MBD5: variants seen among roughly 807,000 people sequenced by gnomAD.
The protein encoded by MBD5 is methyl-CpG binding domain protein 5, also known as methyl-CpG-binding domain protein 5.
A neutral mutation model predicts 117.3 loss-of-function variants in MBD5; 13 were observed. The observed-to-expected ratio is 0.11, with a 90% CI of 0.07 to 0.18. The LOEUF is 0.18. MBD5 is among the 10% of genes least tolerant of loss of function. The pLI is 1.00. For missense variants in MBD5, 1,879 were observed against 2,093.8 expected (o/e 0.90, Z 2.00); for synonymous variants, 727 against 766.4 (o/e 0.95, Z 0.85).
chr2:148,509,140 A>G (rs1304504134), intron 12 of MBD5, among the ~76,000 whole-genome samples: 1 of 152,184 alleles, frequency 6.6e-6, no homozygotes, highest in Admixed American at 6.5e-5. Flanking sequence ...TGAAAACGTT[A>G]CCTCCAGCAG....
chr2:148,308,433 G>A (rs986025632), intron 3 of MBD5, among the ~76,000 whole-genome samples: 2 of 139,180 alleles, frequency 1.4e-5, no homozygotes, highest in Admixed American at 7.2e-5. Flanking sequence ...CCTCATAAAT[G>A]TCTTCTTTTG....
chr2:148,173,186 G>A lies in MBD5; in HGVS notation c.-924-5514G>A, dbSNP rs6727708. 6.6e-3 allele frequency among the ~76,000 whole-genome samples: 1,003 copies of A among 152,336 alleles called. 9 individuals carry two copies. Among genetic ancestry groups the A allele is most frequent in the African/African-American group, 0.023 (966 of 41,580 alleles). On this transcript the variant is annotated intron_variant, in intron 1 of 13. Coordinates refer to ENST00000642680, the MANE Select transcript of MBD5 (RefSeq NM_001378120.1). ...AAGACGAGCTGTAACCCTTCTGGGAGCCCAAACCAGGGGGCTCCTTGAGCC... is the reference window on the plus strand; with the variant it reads ...AAGACGAGCTGTAACCCTTCTGGGAACCCAAACCAGGGGGCTCCTTGAGCC...
intron 11 of MBD5, among the ~76,000 whole-genome samples, chr2:148,497,802 A>C (rs1029054031): frequency 2.4e-4 from 37 of 151,962 alleles, no homozygotes; most frequent in Non-Finnish European, 4.7e-4. Flanking sequence ...AAAAAAAAAA[A>C]ACTAAAAAAG....
chr2:148,331,283 T>G (rs914825816), intron 3 of MBD5, among the ~76,000 whole-genome samples: 4 of 152,214 alleles, frequency 2.6e-5, no homozygotes, highest in Non-Finnish European at 5.9e-5. Context: ...ATTTAAAAAA[T>G]TAAGTAGTCG....
chr2:148,475,726 T>C (rs950389205), intron 8 of MBD5, among the ~76,000 whole-genome samples: 7 of 152,148 alleles, frequency 4.6e-5, no homozygotes, highest in Non-Finnish European at 7.4e-5. Context: ...CCAAAAAACA[T>C]TTACACAGTT....
intron 3 of MBD5, among the ~76,000 whole-genome samples, chr2:148,308,214 C>T (rs1247749556): frequency 6.6e-6 from 1 of 152,102 alleles, no homozygotes; most frequent in Non-Finnish European, 1.5e-5. Context: ...GAGGAATCAC[C>T]ACACTGTTTT....
chr2:148,393,084 A>G (rs1704611347), intron 4 of MBD5, among the ~76,000 whole-genome samples: 2 of 152,250 alleles, frequency 1.3e-5, no homozygotes, highest in East Asian at 3.9e-4. Context: ...ATTATAGGCC[A>G]TAGGACTTTT....
chr2:148,321,146 T>C (rs1422938836), intron 3 of MBD5, among the ~76,000 whole-genome samples: 1 of 152,232 alleles, frequency 6.6e-6, no homozygotes, highest in African/African-American at 2.4e-5. Context: ...TTTCTGTAGA[T>C]GTATATTGTT....
intron 1 of MBD5, among the ~76,000 whole-genome samples, chr2:148,050,410 C>A (rs1415875878): frequency 3.1e-4 from 47 of 151,802 alleles, no homozygotes; most frequent in Admixed American, 3.1e-3. Context: ...TCGTGTTTGC[C>A]TTTTCATTAT....
intron 1 of MBD5, among the ~76,000 whole-genome samples, chr2:148,033,831 T>C (rs904420334): frequency 6.6e-6 from 1 of 152,232 alleles, no homozygotes; most frequent in African/African-American, 2.4e-5. Flanking sequence ...CAGATTGGCA[T>C]CTAAAAATAA....
At chr2:148,274,730 T>TG (rs974295298) in intron 3 of MBD5, among the ~76,000 whole-genome samples, 7 of 151,398 alleles carry the variant, frequency 4.6e-5, no homozygotes, top group African/African-American at 1.5e-4. Context: ...TTTTTGTTTT[T>TG]TTTTTTTTTG....
At chr2:148,507,652 G>A (rs1010989522) in intron 12 of MBD5, among the ~76,000 whole-genome samples, 14 of 151,872 alleles carry the variant, frequency 9.2e-5, no homozygotes, top group Admixed American at 2.6e-4. Flanking sequence ...CCAGCTACTC[G>A]AGGGGGCTGA....
chr2:148,078,204 C>T (rs538688877), intron 1 of MBD5, among the ~76,000 whole-genome samples: 50 of 152,240 alleles, frequency 3.3e-4, no homozygotes, highest in African/African-American at 1.2e-3. Flanking sequence ...ATTTCCTTAA[C>T]AGTGAACAAG....
rs1171863428 is a variant in MBD5, at chr2:148,206,200, G to A, written c.-830-27045G>A. On this transcript the variant is annotated intron_variant, in intron 2 of 13. Coordinates refer to ENST00000642680, the MANE Select transcript of MBD5 (RefSeq NM_001378120.1). ...ATATTATATACACACGCATATATAT[G>A]TATACAGAGAGAAAACAAAATAACA... Among the ~76,000 whole-genome samples the A allele has an allele frequency of 3.3e-5, 5 of 151,606 alleles. No homozygotes were observed. In the East Asian group the frequency reaches 9.7e-4, roughly 29 times the overall value.
intron 2 of MBD5, among the ~76,000 whole-genome samples, chr2:148,211,997 C>A (rs762743472): frequency 5.9e-5 from 9 of 152,152 alleles, no homozygotes; most frequent in Non-Finnish European, 1.2e-4. Flanking sequence ...AATCTTCCTG[C>A]CTTGGCCTCC....
chr2:148,374,074 T>G (rs1187361506), intron 4 of MBD5, among the ~76,000 whole-genome samples: 1 of 152,122 alleles, frequency 6.6e-6, no homozygotes, highest in Non-Finnish European at 1.5e-5. Context: ...AAAATTCTTC[T>G]GGTTCCAAGC....
chr2:148,244,579 A>C (rs1700293650), intron 3 of MBD5, among the ~76,000 whole-genome samples: 1 of 152,212 alleles, frequency 6.6e-6, no homozygotes, highest in Non-Finnish European at 1.5e-5. Context: ...AACTCAAATA[A>C]GTGCTTAGGA....
intron 1 of MBD5, among the ~76,000 whole-genome samples, chr2:148,154,880 A>G (rs1697824868): frequency 6.6e-6 from 1 of 152,158 alleles, no homozygotes; most frequent in Non-Finnish European, 1.5e-5. Context: ...AAATGCAGAA[A>G]TCACCCATCT....
Position 148,403,855 on chromosome 2 carries a change from C to T in MBD5, c.-556-54348C>T, listed in dbSNP as rs569772975. Reference sequence around the variant, plus strand: ...ATTTGTGCCATGGCCAAAAGGATCACTTATGTTACCCACCTCTTTCTTGTC... The same window carrying T: ...ATTTGTGCCATGGCCAAAAGGATCATTTATGTTACCCACCTCTTTCTTGTC... On this transcript the variant is annotated intron_variant, in intron 4 of 13. Coordinates refer to ENST00000642680, the MANE Select transcript of MBD5 (RefSeq NM_001378120.1). 5.3e-5 allele frequency among the ~76,000 whole-genome samples: 8 copies of T among 152,294 alleles called. No individual in the cohort carries two copies. The South Asian group carries it at 6.2e-4, about 12-fold the overall frequency.
Sources: gnomAD v4.1 joint callset for allele counts (sites outside exome capture counted in the v4.1 genomes callset) on GRCh38, gnomAD v4.1.1 for gene constraint, MANE v1.5 for transcripts, NCBI Gene and HGNC (gene_info 2026-07-23, HGNC 2026-07-21) for gene names.